RORA: variants seen among roughly 807,000 people sequenced by gnomAD.
RORA encodes RAR related orphan receptor A.
A neutral mutation model predicts 69.5 loss-of-function variants in RORA; 7 were observed. That is an observed-to-expected ratio of 0.10 (90% CI 0.06 to 0.19). The LOEUF (loss-of-function observed/expected upper bound fraction) is 0.19. Among genes scored for constraint, RORA ranks in the 10% least tolerant of loss-of-function variants. RORA has a pLI of 1.00. For synonymous variants in RORA, 261 were observed against 240.8 expected (o/e 1.08, Z -0.78); for missense variants, 457 against 663.0 (o/e 0.69, Z 3.41).
chr15:61,112,296 G>T (rs963513346), intron 1 of RORA, among the ~76,000 whole-genome samples: 1 of 152,132 alleles, frequency 6.6e-6, no homozygotes, highest in African/African-American at 2.4e-5. Flanking sequence ...GGACTGGGGG[G>T]CATGGGGCCA....
chr15:60,951,202 C>T (rs548153122), intron 1 of RORA, among the ~76,000 whole-genome samples: 81 of 152,000 alleles, frequency 5.3e-4, no homozygotes, highest in Admixed American at 3.4e-3. Context: ...GGATACATAA[C>T]GAAACGAAGG....
At chr15:60,649,820 G>A (rs756415144) in intron 2 of RORA, among the ~76,000 whole-genome samples, 1 of 152,056 alleles carries the variant, frequency 6.6e-6, no homozygotes, top group East Asian at 1.9e-4. Flanking sequence ...AAAAGCAATC[G>A]AATAGCAAAC....
chr15:60,523,377 G>C (rs990237081), intron 3 of RORA, among the ~76,000 whole-genome samples: 1 of 152,146 alleles, frequency 6.6e-6, no homozygotes, highest in African/African-American at 2.4e-5. Context: ...CATTCAGTGA[G>C]AATCATTTGT....
intron 1 of RORA, among the ~76,000 whole-genome samples, chr15:60,944,437 C>T (rs991670108): frequency 6.6e-6 from 1 of 152,046 alleles, no homozygotes; most frequent in Non-Finnish European, 1.5e-5. Context: ...CAGCACGGAG[C>T]GAGATGCGGT....
At chr15:61,170,836 G>A (rs1218430499) in intron 1 of RORA, among the ~76,000 whole-genome samples, 2 of 152,086 alleles carry the variant, frequency 1.3e-5, no homozygotes, top group Non-Finnish European at 2.9e-5. Flanking sequence ...GCGTAATTGG[G>A]GCTGGATAGT....
At chr15:60,862,980 C>G (rs1430974056) in intron 1 of RORA, among the ~76,000 whole-genome samples, 1 of 152,142 alleles carries the variant, frequency 6.6e-6, no homozygotes, top group Non-Finnish European at 1.5e-5. Context: ...GTGTGGTTCT[C>G]CCTTCAGGCA....
intron 1 of RORA, among the ~76,000 whole-genome samples, chr15:61,039,481 C>T (rs921406237): frequency 4.0e-5 from 6 of 151,684 alleles, no homozygotes; most frequent in East Asian, 1.9e-4. Flanking sequence ...GTTGGGAGGC[C>T]GAGGCAGGCA....
intron 1 of RORA, among the ~76,000 whole-genome samples, chr15:61,223,891 T>C (rs2080121620): frequency 6.6e-6 from 1 of 152,164 alleles, no homozygotes; most frequent in South Asian, 2.1e-4. Context: ...CTCAGGTTTT[T>C]TTTAAAGCAT....
At chr15:61,064,593 T>G (rs782956) in intron 1 of RORA, among the ~76,000 whole-genome samples, 21,140 of 152,158 alleles carry the variant, frequency 0.14, 3,201 homozygotes, top group African/African-American at 0.36. Flanking sequence ...AGGGATGTGC[T>G]CTTTTTAACA....
At chr15:60,918,813 C>T (rs1393038789) in intron 1 of RORA, among the ~76,000 whole-genome samples, 1 of 152,002 alleles carries the variant, frequency 6.6e-6, no homozygotes. Context: ...GGGTGCAGGC[C>T]CTGAGCTGTA....
intron 1 of RORA, among the ~76,000 whole-genome samples, chr15:60,903,255 C>A (rs999912103): frequency 1.3e-5 from 2 of 152,192 alleles, no homozygotes; most frequent in Non-Finnish European, 2.9e-5. Flanking sequence ...GCTAATGGCA[C>A]ATGAAGCCTG....
At chr15:61,003,728 C>T (rs921729067) in intron 1 of RORA, among the ~76,000 whole-genome samples, 5 of 152,078 alleles carry the variant, frequency 3.3e-5, no homozygotes, top group Non-Finnish European at 7.4e-5. Context: ...GGTGGGAAGA[C>T]AGAAGAAATT....
At chr15:61,063,107 G>T (rs889529806) in intron 1 of RORA, among the ~76,000 whole-genome samples, 1 of 152,166 alleles carries the variant, frequency 6.6e-6, no homozygotes, top group Non-Finnish European at 1.5e-5. Flanking sequence ...TGCCAGGCTG[G>T]CCCTGTGAAG....
intron 1 of RORA, among the ~76,000 whole-genome samples, chr15:61,097,982 G>A (rs969647349): frequency 6.6e-6 from 1 of 152,144 alleles, no homozygotes; most frequent in Admixed American, 6.5e-5. Flanking sequence ...TTTCTGCCTG[G>A]TATGTTGGGC....
At chr15:61,097,304 T>C (rs1401673108) in intron 1 of RORA, among the ~76,000 whole-genome samples, 1 of 152,188 alleles carries the variant, frequency 6.6e-6, no homozygotes. Context: ...GTAATAGGCT[T>C]TCTGCATGCA....
intron 1 of RORA, among the ~76,000 whole-genome samples, chr15:61,189,675 G>T (rs1170475304): frequency 6.6e-6 from 1 of 151,840 alleles, no homozygotes; most frequent in Non-Finnish European, 1.5e-5. Flanking sequence ...GGCTAACACG[G>T]TGAAACCCCA....
At chr15:60,725,261 T>G (rs2071342551) in intron 1 of RORA, among the ~76,000 whole-genome samples, 3 of 152,174 alleles carry the variant, frequency 2.0e-5, no homozygotes, top group Admixed American at 2.0e-4. Flanking sequence ...CACTCTCACA[T>G]GGGTCTTTCT....
intron 10 of RORA, among the ~76,000 whole-genome samples, chr15:60,497,864 GCCTGGGAAACACGGTGAAA>G (rs1198230415): frequency 6.6e-6 from 1 of 151,850 alleles, no homozygotes; most frequent in Non-Finnish European, 1.5e-5. Context: ...TTCAAGACCA[GCCTGGGAAACACGGTGAAA>G]CCCTGTCTCT....
intron 1 of RORA, among the ~76,000 whole-genome samples, chr15:60,843,585 G>C (rs59348075): frequency 1.7e-3 from 255 of 152,294 alleles, no homozygotes; most frequent in African/African-American, 5.9e-3. Flanking sequence ...TGAGTTACAA[G>C]AGCAATTCTT....
Sources: gnomAD v4.1 joint callset for allele counts (sites outside exome capture counted in the v4.1 genomes callset) on GRCh38, gnomAD v4.1.1 for gene constraint, MANE v1.5 for transcripts, NCBI Gene and HGNC (gene_info 2026-07-23, HGNC 2026-07-21) for gene names.